Variants in ROBO2 observed in about 807,000 individuals in gnomAD.
ROBO2 encodes the protein roundabout homolog 2.
A neutral mutation model predicts 160.8 loss-of-function variants in ROBO2; 53 were observed. That is an observed-to-expected ratio of 0.33 (90% CI 0.26 to 0.41). The LOEUF (loss-of-function observed/expected upper bound fraction) is 0.41, where lower values mean the gene tolerates loss of function less well. ROBO2 is among the 10% of genes least tolerant of loss of function. The probability of loss-of-function intolerance (pLI) is 1.00; values close to 1 mark genes in which losing one functional copy is unlikely to be tolerated. For missense variants in ROBO2, 1,577 were observed against 1,722.4 expected, an observed-to-expected ratio of 0.92 and a Z score of 1.49; for synonymous variants, 664 against 611.7, an observed-to-expected ratio of 1.09 and a Z score of -1.26.
chr3:76,391,373 G>C (rs1302513053), intron 2 of ROBO2, among the ~76,000 whole-genome samples: 1 of 152,158 alleles, frequency 6.6e-6, no homozygotes. Context: ...GAGCCAGTCT[G>C]CATTCCACAT....
At chr3:75,964,126 T>G (rs1462407929) in intron 2 of ROBO2, among the ~76,000 whole-genome samples, 1 of 151,690 alleles carries the variant, frequency 6.6e-6, no homozygotes, top group Non-Finnish European at 1.5e-5. Context: ...GGAAGCAATT[T>G]TTTTCCTCAG....
intron 2 of ROBO2, among the ~76,000 whole-genome samples, chr3:77,461,879 C>A (rs2044597): frequency 6.6e-6 from 1 of 151,558 alleles, no homozygotes; most frequent in African/African-American, 2.4e-5. Context: ...GCCCGTGCCA[C>A]CACACCCAGC....
At chr3:76,062,718 C>T (rs2068109732) in intron 2 of ROBO2, among the ~76,000 whole-genome samples, 2 of 152,138 alleles carry the variant, frequency 1.3e-5, no homozygotes, top group African/African-American at 4.8e-5. Flanking sequence ...GATCAAAAAG[C>T]ATGAACAGTG....
chr3:77,632,707 G>A, intron 23 of ROBO2: 1 of 1,463,790 alleles, frequency 6.8e-7, no homozygotes, highest in South Asian at 1.3e-5. Flanking sequence ...CTTGTCCTTG[G>A]ACACTGTCCT....
intron 2 of ROBO2, among the ~76,000 whole-genome samples, chr3:77,164,797 C>CGGGA (rs1397423431): frequency 3.0e-3 from 102 of 33,720 alleles, no homozygotes; most frequent in Non-Finnish European, 4.3e-3. Context: ...CCGCCCCGTC[C>CGGGA]GGGAGGTGAG....
chr3:77,352,044 A>T (rs987636958), intron 2 of ROBO2, among the ~76,000 whole-genome samples: 4 of 151,338 alleles, frequency 2.6e-5, no homozygotes, highest in African/African-American at 9.7e-5. Context: ...ACATGCATAC[A>T]TATGTAACAA....
chr3:75,909,673 C>G (rs561593725), intron 1 of ROBO2, among the ~76,000 whole-genome samples: 68 of 152,272 alleles, frequency 4.5e-4, no homozygotes, highest in South Asian at 1.0e-3. Context: ...CAAAATACTT[C>G]AAGCAGTGTA....
intron 2 of ROBO2, among the ~76,000 whole-genome samples, chr3:76,783,120 A>G (rs2062756961): frequency 6.6e-6 from 1 of 150,920 alleles, no homozygotes; most frequent in Non-Finnish European, 1.5e-5. Context: ...TAGCCTGATA[A>G]CAACTTAATT....
intron 2 of ROBO2, chr3:76,435,001 A>G: frequency 2.6e-6 from 4 of 1,524,130 alleles, no homozygotes; most frequent in Admixed American, 1.7e-5. Flanking sequence ...GTGGAAAATC[A>G]GGAAAATGTT....
intron 2 of ROBO2, among the ~76,000 whole-genome samples, chr3:76,497,791 G>C (rs1007686652): frequency 6.6e-6 from 1 of 152,108 alleles, no homozygotes; most frequent in African/African-American, 2.4e-5. Flanking sequence ...TTCTTCCCAC[G>C]GTCTGTCTTG....
intron 2 of ROBO2, among the ~76,000 whole-genome samples, chr3:76,720,412 T>C (rs1011048467): frequency 1.3e-5 from 2 of 152,106 alleles, no homozygotes; most frequent in South Asian, 4.1e-4. Context: ...AAAGAAATAA[T>C]GTTTGCCATT....
At chr3:76,926,767 A>T (rs2077017164) in intron 2 of ROBO2, among the ~76,000 whole-genome samples, 1 of 152,202 alleles carries the variant, frequency 6.6e-6, no homozygotes, top group African/African-American at 2.4e-5. Flanking sequence ...GCAGATCTCC[A>T]GAGAGAGCTG....
At chr3:76,342,593 T>C (rs1576549218) in intron 2 of ROBO2, among the ~76,000 whole-genome samples, 1 of 152,234 alleles carries the variant, frequency 6.6e-6, no homozygotes, top group East Asian at 1.9e-4. Flanking sequence ...ACACTATCTC[T>C]ATCTTCCAAG....
chr3:76,618,678 C>A (rs931050333), intron 2 of ROBO2, among the ~76,000 whole-genome samples: 1 of 151,544 alleles, frequency 6.6e-6, no homozygotes, highest in African/African-American at 2.4e-5. Context: ...GAGCATTTCT[C>A]TTGTGTATTA....
chr3:76,328,280 G>C (rs1235174561), intron 2 of ROBO2, among the ~76,000 whole-genome samples: 1 of 152,150 alleles, frequency 6.6e-6, no homozygotes, highest in Admixed American at 6.5e-5. Context: ...AATGAGAATA[G>C]AGTGCTGCTG....
At chr3:76,340,706 C>T (rs1485492017) in intron 2 of ROBO2, among the ~76,000 whole-genome samples, 1 of 152,118 alleles carries the variant, frequency 6.6e-6, no homozygotes, top group Non-Finnish European at 1.5e-5. Flanking sequence ...AGTTGTCATT[C>T]ATTGAAAATG....
intron 2 of ROBO2, among the ~76,000 whole-genome samples, chr3:76,421,745 C>T (rs1577082000): frequency 6.6e-6 from 1 of 151,476 alleles, no homozygotes; most frequent in Admixed American, 6.6e-5. Flanking sequence ...AAGAAGATGG[C>T]AATTTGTCCA....
intron 2 of ROBO2, among the ~76,000 whole-genome samples, chr3:76,318,430 C>A (rs1239257693): frequency 1.3e-5 from 2 of 152,088 alleles, no homozygotes; most frequent in African/African-American, 4.8e-5. Flanking sequence ...CCCCCACCCT[C>A]TCCTCCCGTT....
chr3:77,034,796 C>T (rs989123191), intron 2 of ROBO2, among the ~76,000 whole-genome samples: 64 of 151,962 alleles, frequency 4.2e-4, no homozygotes, highest in Non-Finnish European at 6.0e-4. Context: ...AGGATTACAG[C>T]TATGTATTGC....
Sources: allele counts gnomAD v4.1 joint callset (sites outside exome capture counted in the v4.1 genomes callset), GRCh38; gene constraint gnomAD v4.1.1; transcripts MANE v1.5; gene names NCBI Gene and HGNC (gene_info 2026-07-23, HGNC 2026-07-21).